Variants in RBFOX3 observed in about 807,000 individuals in gnomAD.
RBFOX3 encodes RNA binding fox-1 homolog 3.
Under a neutral mutation model 48.7 loss-of-function variants are expected in RBFOX3, and 17 were observed. That is an observed-to-expected ratio of 0.35 (90% CI 0.24 to 0.52). The LOEUF is 0.52. Among genes scored for constraint, RBFOX3 ranks in the 20% least tolerant of loss-of-function variants. The pLI is 0.94. For missense variants in RBFOX3, 382 were observed against 497.5 expected (o/e 0.77, Z 2.21); for synonymous variants, 212 against 209.5 (o/e 1.01, Z -0.10).
Position 79,407,041 on chromosome 17 carries a change from C to T in RBFOX3, c.-175+75413G>A, listed in dbSNP as rs146488066. On this transcript the variant is annotated intron_variant, in intron 2 of 14. Transcript: ENST00000693108. ...GTTTCTGTTTTGAGATGAAGTTTCG[C>T]TCTTGTCGCCCAGGCTGGAGTGCCA... 4.6e-5 allele frequency among the ~76,000 whole-genome samples: 7 copies of T among 152,356 alleles called. No individual in the cohort carries two copies. The East Asian group carries it at 1.4e-3, about 29-fold the overall frequency.
chr17:79,417,074 G>A (rs1419157371), intron 2 of RBFOX3, among the ~76,000 whole-genome samples: 1 of 152,226 alleles, frequency 6.6e-6, no homozygotes, highest in Non-Finnish European at 1.5e-5. Context: ...CTCTGCATAA[G>A]GGGCACATCT....
upstream of RBFOX3, among the ~76,000 whole-genome samples, chr17:79,613,698 G>T (rs998043368): frequency 1.2e-4 from 18 of 152,308 alleles, no homozygotes; most frequent in African/African-American, 4.1e-4. Flanking sequence ...AAGGGGCTGG[G>T]CATGGTGGCT....
intron 4 of RBFOX3, among the ~76,000 whole-genome samples, chr17:79,200,316 A>G (rs944018261): frequency 5.3e-5 from 8 of 152,304 alleles, no homozygotes; most frequent in African/African-American, 1.9e-4. Context: ...CACCACAGCC[A>G]CTCCCAGGGA....
chr17:79,588,435 G>A (rs2093318974), intron 1 of RBFOX3, among the ~76,000 whole-genome samples: 1 of 152,116 alleles, frequency 6.6e-6, no homozygotes, highest in Non-Finnish European at 1.5e-5. Context: ...GCCACTCCAG[G>A]AGCCGAGCGC....
At chr17:79,528,962 A>G (rs1555786669) in intron 1 of RBFOX3, among the ~76,000 whole-genome samples, 7 of 152,194 alleles carry the variant, frequency 4.6e-5, no homozygotes, top group Admixed American at 3.3e-4. Context: ...ATGTGCTCAA[A>G]ACATATTTGG....
chr17:79,173,791 G>C (rs1346054172), intron 4 of RBFOX3, among the ~76,000 whole-genome samples: 2 of 152,062 alleles, frequency 1.3e-5, no homozygotes, highest in African/African-American at 4.8e-5. Flanking sequence ...CATGCAGCTG[G>C]AGATGGCTTC....
chr17:79,247,002 T>A (rs565205956), intron 3 of RBFOX3, among the ~76,000 whole-genome samples: 1 of 152,304 alleles, frequency 6.6e-6, no homozygotes, highest in South Asian at 2.1e-4. Context: ...TTTAGACATG[T>A]CCTTTCTCCT....
intron 4 of RBFOX3, among the ~76,000 whole-genome samples, chr17:79,210,833 C>T (rs953053212): frequency 2.6e-5 from 4 of 151,332 alleles, no homozygotes; most frequent in Non-Finnish European, 5.9e-5. Flanking sequence ...TTTGGAGTTT[C>T]CAACACCTTC....
At chr17:79,134,678 A>G (rs1225351369) in intron 4 of RBFOX3, among the ~76,000 whole-genome samples, 1 of 152,154 alleles carries the variant, frequency 6.6e-6, no homozygotes, top group Non-Finnish European at 1.5e-5. Flanking sequence ...TCCTGAAGCC[A>G]GTTGGCACCC....
chr17:79,230,090 T>C lies in RBFOX3; in HGVS notation c.-34+5676A>G, dbSNP rs867695720. On this transcript the variant is annotated intron_variant, in intron 4 of 14. Transcript: ENST00000693108. ...ATGGGTCCTCCTCAGCTATTCTCACTGGGGGCAAGGGGGGTGCCGCCCAGA... is the reference window on the plus strand; with the variant it reads ...ATGGGTCCTCCTCAGCTATTCTCACCGGGGGCAAGGGGGGTGCCGCCCAGA... 3.3e-5 allele frequency among the ~76,000 whole-genome samples: 5 copies of C among 152,138 alleles called. No homozygotes were observed. The South Asian group carries it at 8.3e-4, about 25-fold the overall frequency.
intron 4 of RBFOX3, among the ~76,000 whole-genome samples, chr17:79,130,667 G>A (rs757881334): frequency 5.2e-5 from 8 of 152,388 alleles, no homozygotes; most frequent in East Asian, 1.9e-4. Context: ...TCCAGGCCTC[G>A]GCATGCAGCC....
intron 1 of RBFOX3, chr17:79,600,494 A>AT (rs1449176731): frequency 2.6e-5 from 4 of 152,218 alleles, no homozygotes; most frequent in African/African-American, 9.7e-5. Context: ...GCTCTTGCAA[A>AT]TGCCAGATAC....
chr17:79,293,387 C>G (rs987322889), intron 3 of RBFOX3, among the ~76,000 whole-genome samples: 121 of 114,852 alleles, frequency 1.1e-3, no homozygotes, highest in African/African-American at 3.7e-3. Flanking sequence ...CCCTCCCTTT[C>G]CTTTCCCTTC....
chr17:79,427,792 T>G (rs1334851033), intron 2 of RBFOX3, among the ~76,000 whole-genome samples: 1 of 152,178 alleles, frequency 6.6e-6, no homozygotes, highest in Non-Finnish European at 1.5e-5. Context: ...CGCACACACA[T>G]ATTTGCAACA....
chr17:79,648,324 G>A, the RBFOX3 span, among the ~76,000 whole-genome samples: 1 of 152,148 alleles, frequency 6.6e-6, no homozygotes, highest in Non-Finnish European at 1.5e-5. Context: ...AGCTTAGGCT[G>A]CACAGTCAGG....
At position 79,294,022 on chromosome 17, in the gene RBFOX3, C is replaced by T. The variant is rs552852108; in HGVS notation, c.-74+13702G>A. Among the ~76,000 whole-genome samples the T allele has an allele frequency of 7.2e-5, 11 of 152,288 alleles. No individual in the cohort carries two copies. The East Asian group carries it at 2.1e-3, about 29-fold the overall frequency. ...GACATAGTCTCACAGAGTCACCTGT[C>T]CGACTTCCAGAGCAGGTACAGATTC... On this transcript the variant is annotated intron_variant, in intron 3 of 14. Coordinates refer to ENST00000693108, the MANE Select transcript of RBFOX3 (RefSeq NM_001350451.2).
At chr17:79,096,427 G>C (rs542681989) in intron 12 of RBFOX3, among the ~76,000 whole-genome samples, 1 of 152,162 alleles carries the variant, frequency 6.6e-6, no homozygotes, top group Non-Finnish European at 1.5e-5. Flanking sequence ...GCTGCTGGGC[G>C]GCCCATTAAC....
chr17:79,366,879 C>G (rs758167117), intron 2 of RBFOX3, among the ~76,000 whole-genome samples: 1 of 152,212 alleles, frequency 6.6e-6, no homozygotes, highest in Non-Finnish European at 1.5e-5. Context: ...GCTGAAGGCT[C>G]TCAGCTGAGT....
At chr17:79,179,575 C>T (rs2051404079) in intron 4 of RBFOX3, among the ~76,000 whole-genome samples, 1 of 152,102 alleles carries the variant, frequency 6.6e-6, no homozygotes, top group Non-Finnish European at 1.5e-5. Flanking sequence ...CACTCACAGC[C>T]CTCTCCCCCG....
Sources: gnomAD v4.1 joint callset for allele counts (sites outside exome capture counted in the v4.1 genomes callset) on GRCh38, gnomAD v4.1.1 for gene constraint, MANE v1.5 for transcripts, NCBI Gene and HGNC (gene_info 2026-07-23, HGNC 2026-07-21) for gene names.